Variants in WTAP observed in about 807,000 individuals in gnomAD.
The protein encoded by WTAP is pre-mRNA-splicing regulator WTAP.
WTAP carries 8 observed loss-of-function variants against 50.0 expected under a neutral mutation model. That is an observed-to-expected ratio of 0.16 (90% CI 0.09 to 0.29). The LOEUF (loss-of-function observed/expected upper bound fraction) is 0.29. Among genes scored for constraint, WTAP ranks in the 10% least tolerant of loss-of-function variants. The pLI, the probability that WTAP is intolerant of heterozygous loss-of-function variation, is 1.00. For missense variants in WTAP, 295 were observed against 470.7 expected, an observed-to-expected ratio of 0.63 and a Z score of 3.45; for synonymous variants, 194 against 169.0, an observed-to-expected ratio of 1.15 and a Z score of -1.15.
chr6:159,742,184 C>T, intron 4 of WTAP, 38 bp downstream of exon 4: 7 of 1,489,554 alleles, frequency 4.7e-6, no homozygotes, highest in Non-Finnish European at 6.4e-6. Flanking sequence ...ACTGAATAAT[C>T]TCCTTTTGAT....
At chr6:159,752,046 A>G (rs1779839383) in intron 6 of WTAP, among the ~76,000 whole-genome samples, 1 of 150,582 alleles carries the variant, frequency 6.6e-6, no homozygotes, top group African/African-American at 2.4e-5. Context: ...CTGGCAACAC[A>G]GTGAGACCCC....
rs189551887 is a variant in WTAP, at chr6:159,741,249, A to G, written c.87-839A>G. On this transcript the variant is annotated intron_variant, in intron 3 of 7. Transcript: ENST00000621533. ...GGGTAGAGAAGTATAATGAAGAACA[A>G]CGGTCCCCTTGTATTCTGATAGCAT... is the stretch of plus-strand genomic sequence containing the variant. Among the ~76,000 whole-genome samples, 884 of 152,278 alleles carry G rather than the reference A, an allele frequency of 5.8e-3. 8 individuals carry two copies. The highest frequency in any genetic ancestry group is 8.9e-3 in the Non-Finnish European group (606 of 68,020).
In WTAP at chr6:159,753,508, G is replaced by A. The variant is rs35454664; in HGVS notation, c.501G>A (p.Glu167=). 5,806 of 1,614,178 alleles carry A rather than the reference G, an allele frequency of 3.6e-3. 208 individuals are homozygous for A. The African/African-American group carries it at 0.068, about 19-fold the overall frequency. ...LMAKCRMLIQ[E]NQELGRQLSQ... ...CGAAGTGTCGAATGCTTATCCAGGAGAATCAAGAGCTTGGAAGGCAGCTGT... is the reference window on the plus strand; with the variant it reads ...CGAAGTGTCGAATGCTTATCCAGGAAAATCAAGAGCTTGGAAGGCAGCTGT... Residue 167 remains glutamate, a synonymous_variant, in exon 7 of 8, where the codon GAG becomes GAA. Coordinates refer to ENST00000621533, the MANE Select transcript of WTAP (RefSeq NM_001270531.2).
intron 6 of WTAP, among the ~76,000 whole-genome samples, chr6:159,751,407 T>C (rs1779815553): frequency 6.6e-6 from 1 of 152,212 alleles, no homozygotes; most frequent in South Asian, 2.1e-4. Flanking sequence ...ACCAATGAAA[T>C]ATATATACTT....
chr6:159,752,827 C>T (rs1779870963), intron 6 of WTAP, among the ~76,000 whole-genome samples: 1 of 152,194 alleles, frequency 6.6e-6, no homozygotes, highest in Non-Finnish European at 1.5e-5. Context: ...ACAGCGTCAA[C>T]CACTTGGGCT....
At chr6:159,752,416 G>T (rs1054307477) in intron 6 of WTAP, among the ~76,000 whole-genome samples, 1 of 151,498 alleles carries the variant, frequency 6.6e-6, no homozygotes, top group Non-Finnish European at 1.5e-5. Flanking sequence ...TTATTGCTGA[G>T]GCTAAAGAAA....
At chr6:159,741,320 TAC>T (rs551134646) in intron 3 of WTAP, among the ~76,000 whole-genome samples, 100 of 152,336 alleles carry the variant, frequency 6.6e-4, no homozygotes, top group Non-Finnish European at 1.2e-3. Context: ...ATTGTTAAAT[TAC>T]AGTCTTGAAA....
chr6:159,733,562 C>T (rs1778719918), intron 1 of WTAP, among the ~76,000 whole-genome samples: 1 of 151,058 alleles, frequency 6.6e-6, no homozygotes, highest in Non-Finnish European at 1.5e-5. Context: ...GTCAAGATTG[C>T]AGTGAGCCAT....
intron 2 of WTAP, among the ~76,000 whole-genome samples, chr6:159,738,054 A>G (rs1373381255): frequency 6.6e-6 from 1 of 152,196 alleles, no homozygotes; most frequent in African/African-American, 2.4e-5. Context: ...GGGAATTGAC[A>G]TTGGTACAAT....
chr6:159,753,886 G>T (rs997994211), intron 7 of WTAP, among the ~76,000 whole-genome samples: 1 of 152,116 alleles, frequency 6.6e-6, no homozygotes, highest in Non-Finnish European at 1.5e-5. Context: ...AGATAAAAGG[G>T]TGTTGTATTA....
At chr6:159,746,748 A>C (rs1051539766) in intron 5 of WTAP, among the ~76,000 whole-genome samples, 2 of 152,190 alleles carry the variant, frequency 1.3e-5, no homozygotes, top group African/African-American at 4.8e-5. Context: ...GTCTTTTGCC[A>C]ATCAACTCAA....
intron 6 of WTAP, among the ~76,000 whole-genome samples, chr6:159,751,090 TG>T (rs1377349017): frequency 6.6e-6 from 1 of 152,260 alleles, no homozygotes; most frequent in Non-Finnish European, 1.5e-5. Flanking sequence ...ATTTTAGGAA[TG>T]GGTTGATTTT....
chr6:159,754,493 A>G (rs1779932160), intron 7 of WTAP, among the ~76,000 whole-genome samples: 1 of 152,200 alleles, frequency 6.6e-6, no homozygotes, highest in Non-Finnish European at 1.5e-5. Flanking sequence ...AAGATGGATC[A>G]AAACAATTTT....
At chr6:159,743,627 C>G (rs1779392577) in intron 4 of WTAP, 38 bp from the exon 5 acceptor site, 3 of 1,553,540 alleles carry the variant, frequency 1.9e-6, no homozygotes, top group East Asian at 4.6e-5. Flanking sequence ...AGAACTTGAT[C>G]TTAAAATTGT....
chr6:159,735,598 A>C (rs1308197555), intron 1 of WTAP, among the ~76,000 whole-genome samples: 3 of 152,036 alleles, frequency 2.0e-5, no homozygotes, highest in African/African-American at 7.2e-5. Flanking sequence ...AAAATACAAA[A>C]ATGAGCCAGG....
At chr6:159,754,850 AAAAC>A (rs1779947016) in intron 7 of WTAP, among the ~76,000 whole-genome samples, 174 bp from the exon 8 acceptor site, 1 of 152,196 alleles carries the variant, frequency 6.6e-6, no homozygotes, top group African/African-American at 2.4e-5. Flanking sequence ...GACTTCCCCC[AAAAC>A]AAACTCAGTC....
At chr6:159,726,813 G>A, upstream of WTAP, 2 of 1,289,208 alleles carry the variant, frequency 1.6e-6, no homozygotes, top group Non-Finnish European at 2.0e-6. Context: ...CACGACTGAT[G>A]AGAGGGAAGG....
In WTAP at chr6:159,755,790, T is replaced by TTTTTTTTTTTTTTTTTTTTG. The variant is rs1779991801; in HGVS notation, c.*179_*180insTTTTTTTTTTTTTTTTTTTG. The TTTTTTTTTTTTTTTTTTTTG allele has an allele frequency of 1.3e-5, 11 of 848,084 alleles. No individual in the cohort carries two copies. Among genetic ancestry groups the TTTTTTTTTTTTTTTTTTTTG allele is most frequent in the Non-Finnish European group, 1.4e-5 (9 of 641,816 alleles). 52.5% of individuals were successfully genotyped at this position (848,084 alleles called of 1,614,324 possible). ...CTTTTTTTTTTTTTTTTTTTTTTTT[T>TTTTTTTTTTTTTTTTTTTTG]GCTTCAATACTTCTGCCGCTTTGGA... is the stretch of plus-strand genomic sequence containing the variant. On this transcript the variant is annotated 3_prime_UTR_variant, in exon 8 of 8. Transcript: ENST00000621533.
At chr6:159,753,742 G>A in intron 7 of WTAP, 128 bp downstream of exon 7, 3 of 1,188,224 alleles carry the variant, frequency 2.5e-6, no homozygotes, top group Non-Finnish European at 3.4e-6. Flanking sequence ...GTATATTATT[G>A]TGAGTGAAGC....
Sources: gnomAD v4.1 joint callset for allele counts (sites outside exome capture counted in the v4.1 genomes callset) on GRCh38, gnomAD v4.1.1 for gene constraint, MANE v1.5 for transcripts, NCBI Gene and HGNC (gene_info 2026-07-23, HGNC 2026-07-21) for gene names.